Variants in TCERG1L observed in about 807,000 individuals in gnomAD.
TCERG1L encodes the protein transcription elongation regulator 1 like.
In TCERG1L, 37 loss-of-function variants were observed where a neutral mutation model predicts 56.3. The observed-to-expected ratio is 0.66, with a 90% CI of 0.51 to 0.87. TCERG1L has a LOEUF of 0.87. Among genes scored for constraint, TCERG1L ranks in the 40% least tolerant of loss-of-function variants. The probability of loss-of-function intolerance (pLI) is 0.00; values close to 1 mark genes in which losing one functional copy is unlikely to be tolerated. For missense variants in TCERG1L, 799 were observed against 774.2 expected (o/e 1.03, Z -0.38); for synonymous variants, 324 against 326.3 (o/e 0.99, Z 0.08).
At chr10:131,162,702 T>C (rs1845990836) in intron 6 of TCERG1L, 1 of 158,084 alleles carries the variant, frequency 6.3e-6, no homozygotes, top group African/African-American at 2.4e-5. Flanking sequence ...GTCTGGAGTG[T>C]GGCATATTCC....
chr10:131,309,834 C>CAGAAA (rs1846860823), intron 1 of TCERG1L, among the ~76,000 whole-genome samples: 1 of 49,822 alleles, frequency 2.0e-5, no homozygotes, highest in African/African-American at 8.5e-5. Flanking sequence ...GATTCTATGG[C>CAGAAA]AAAAAAAAAA....
intron 4 of TCERG1L, among the ~76,000 whole-genome samples, chr10:131,253,300 G>A (rs533973174): frequency 7.2e-5 from 11 of 152,298 alleles, no homozygotes; most frequent in Middle Eastern, 3.4e-3. Context: ...CCTCGGAAAA[G>A]GATTGCTGAG....
intron 4 of TCERG1L, among the ~76,000 whole-genome samples, chr10:131,180,132 G>A (rs1020802383): frequency 1.3e-5 from 2 of 152,200 alleles, no homozygotes; most frequent in African/African-American, 4.8e-5. Context: ...AGGGGAGAGA[G>A]GCTAGGGGAT....
Position 131,311,332 on chromosome 10 carries a change from C to T in TCERG1L, c.304G>A (p.Ala102Thr), listed in dbSNP as rs1376669879. ...GCGGGGAAGGGGTGCGCGGCGGCGG[C>T]GGCGGCGGAGTCTGGCGCAGAGGGC... ...PLPSAPDSAA[A>T]AAAHPFPALH... Residue 102 changes from alanine to threonine, a missense_variant, in exon 1 of 12, where the codon GCC becomes ACC. By Grantham distance (58) the Ala-to-Thr change is moderately conservative. Coordinates refer to ENST00000368642, the MANE Select transcript of TCERG1L (RefSeq NM_174937.4). The surrounding 1 kb of genome is among the most constrained non-coding windows in gnomAD (Gnocchi z 4.0). The T allele has an allele frequency of 7.5e-6, 9 of 1,206,538 alleles. No homozygotes were observed. The highest frequency in any genetic ancestry group is 8.2e-6 in the Non-Finnish European group (8 of 972,632). 74.7% of individuals were successfully genotyped at this position (1,206,538 alleles called of 1,614,324 possible). A position where few individuals can be genotyped will look rare whatever the true frequency, so the allele number is the denominator to read the frequency against.
intron 3 of TCERG1L, among the ~76,000 whole-genome samples, chr10:131,306,162 A>G (rs1438505): frequency 0.79 from 119,893 of 151,992 alleles, 48,442 homozygotes; most frequent in East Asian, 0.87. Context: ...TCTCTGTTAA[A>G]CAGTTAGTAA....
chr10:131,296,681 G>T (rs1033049296), intron 3 of TCERG1L, among the ~76,000 whole-genome samples: 7 of 152,186 alleles, frequency 4.6e-5, no homozygotes, highest in African/African-American at 1.7e-4. Flanking sequence ...GTTTAGGGTT[G>T]CATTAAACAT....
chr10:131,178,806 G>A (rs1845138980), intron 4 of TCERG1L, among the ~76,000 whole-genome samples: 1 of 152,192 alleles, frequency 6.6e-6, no homozygotes, highest in South Asian at 2.1e-4. Context: ...CCGCACTTGA[G>A]GAGCCTCTCT....
At chr10:131,166,943 C>G in intron 4 of TCERG1L, 58 bp from the exon 5 acceptor site, 1 of 1,513,660 alleles carries the variant, frequency 6.6e-7, no homozygotes, top group Non-Finnish European at 8.9e-7. Context: ...TTTGGAAAAC[C>G]TAAGCAATCA....
At chr10:131,251,023 G>A (rs1384333366) in intron 4 of TCERG1L, among the ~76,000 whole-genome samples, 2 of 152,264 alleles carry the variant, frequency 1.3e-5, no homozygotes, top group South Asian at 2.1e-4. Context: ...TTGGGGCCCA[G>A]CCAAATTCTC....
At chr10:131,146,690 G>A (rs779203469) in intron 6 of TCERG1L, 30 bp from the exon 7 acceptor site, 31 of 1,590,136 alleles carry the variant, frequency 1.9e-5, no homozygotes, top group East Asian at 1.8e-4. Flanking sequence ...CATCTCAGTC[G>A]CTCTCGGAGA....
In TCERG1L at chr10:131,260,936, T is replaced by C. The variant is rs11017848; in HGVS notation, c.671-492A>G. The stretch of plus-strand genomic sequence containing the variant: ...GAGGACACCAGGCTCAGCTGGGCCC[T>C]GCAGGGAGAGGGCGGAGAGGTTTCC... On this transcript the variant is annotated intron_variant, in intron 3 of 11. Transcript: ENST00000368642. This position sits in a 1 kb window ranked among gnomAD's most constrained non-coding sequence, Gnocchi z 5.8. 0.045 allele frequency among the ~76,000 whole-genome samples: 6,816 copies of C among 152,004 alleles called. 190 individuals are homozygous for C. The highest frequency in any genetic ancestry group is 0.071 in the Middle Eastern group (21 of 294).
At chr10:131,254,519 C>G (rs1376575579) in intron 4 of TCERG1L, among the ~76,000 whole-genome samples, 2 of 151,976 alleles carry the variant, frequency 1.3e-5, no homozygotes, top group Admixed American at 1.3e-4. Context: ...CTTGGCCTGA[C>G]AAAGGTCCTT....
At chr10:131,237,712 G>A (rs1002065048) in intron 4 of TCERG1L, among the ~76,000 whole-genome samples, 3 of 152,214 alleles carry the variant, frequency 2.0e-5, no homozygotes, top group Non-Finnish European at 2.9e-5. Context: ...GGCTTGAGAA[G>A]CTAGTCCAGG....
chr10:131,273,295 T>C (rs1365400475), intron 3 of TCERG1L, among the ~76,000 whole-genome samples: 3 of 152,164 alleles, frequency 2.0e-5, no homozygotes, highest in African/African-American at 7.2e-5. Flanking sequence ...ACAGTGGTGA[T>C]TCTCGGGCAG....
intron 8 of TCERG1L, among the ~76,000 whole-genome samples, chr10:131,129,056 A>G (rs1169360565): frequency 2.0e-5 from 3 of 152,230 alleles, no homozygotes; most frequent in Non-Finnish European, 4.4e-5. Context: ...ACATTTGTAA[A>G]AAATCTCTTG....
intron 3 of TCERG1L, among the ~76,000 whole-genome samples, chr10:131,279,228 G>A (rs908260917): frequency 5.3e-5 from 8 of 152,108 alleles, no homozygotes; most frequent in African/African-American, 1.9e-4. Context: ...ATTCCAAGCC[G>A]CTCTAAACAT....
chr10:131,113,595 C>G (rs1478766005), intron 9 of TCERG1L, among the ~76,000 whole-genome samples: 2 of 142,068 alleles, frequency 1.4e-5, no homozygotes, highest in African/African-American at 5.0e-5. Flanking sequence ...CTGCAGGAAC[C>G]CTGCTCTGTG....
At chr10:131,286,477 ATT>A (rs1279636368) in intron 3 of TCERG1L, among the ~76,000 whole-genome samples, 1 of 152,088 alleles carries the variant, frequency 6.6e-6, no homozygotes, top group African/African-American at 2.4e-5. Flanking sequence ...ATTTGTAAAC[ATT>A]AACTGGAGCT....
At chr10:131,106,494 T>A (rs1259342209) in intron 9 of TCERG1L, among the ~76,000 whole-genome samples, 2 of 152,072 alleles carry the variant, frequency 1.3e-5, no homozygotes. Flanking sequence ...TCATGAACTA[T>A]GGGGAATGCA....
Sources: gnomAD v4.1 joint callset for allele counts (sites outside exome capture counted in the v4.1 genomes callset) on GRCh38, gnomAD v4.1.1 for gene constraint, Gnocchi (gnomAD v3.1) non-coding constraint, MANE v1.5 for transcripts, NCBI Gene and HGNC (gene_info 2026-07-23, HGNC 2026-07-21) for gene names.